The following GPC5 variants were observed in gnomAD, a reference collection of about 807,000 sequenced individuals.
GPC5 encodes the protein glypican 5, also known as glypican-5.
GPC5 carries 47 observed loss-of-function variants against 53.9 expected under a neutral mutation model. The ratio of observed to expected loss-of-function variants is 0.87; its 90% CI spans 0.69 to 1.11. The LOEUF is 1.11. GPC5 is among the 50% of genes most tolerant of loss of function. The probability of loss-of-function intolerance (pLI) is 0.00; values close to 1 mark genes in which losing one functional copy is unlikely to be tolerated. For missense variants in GPC5, 748 were observed against 713.1 expected (o/e 1.05, Z -0.56); for synonymous variants, 286 against 263.3 (o/e 1.09, Z -0.84).
intron 7 of GPC5, among the ~76,000 whole-genome samples, chr13:92,251,382 T>C (rs1483544622): frequency 3.3e-5 from 5 of 152,118 alleles, no homozygotes; most frequent in Admixed American, 2.0e-4. Flanking sequence ...CTAACTGCTA[T>C]AAATGAAAGC....
intron 7 of GPC5, among the ~76,000 whole-genome samples, chr13:92,222,423 G>A (rs1002401569): frequency 3.3e-5 from 5 of 152,118 alleles, no homozygotes; most frequent in Non-Finnish European, 7.4e-5. Context: ...TTTAATTACA[G>A]TAAATTAAGA....
intron 7 of GPC5, among the ~76,000 whole-genome samples, chr13:92,806,193 G>A (rs975989923): frequency 3.9e-5 from 6 of 151,980 alleles, no homozygotes; most frequent in African/African-American, 9.7e-5. Flanking sequence ...TTTATGTTAC[G>A]GAGATGGCTT....
At chr13:92,628,024 T>C (rs1885101249) in intron 7 of GPC5, among the ~76,000 whole-genome samples, 1 of 152,038 alleles carries the variant, frequency 6.6e-6, no homozygotes, top group South Asian at 2.1e-4. Context: ...CTCATTTGAG[T>C]GTATTTTAAA....
intron 3 of GPC5, among the ~76,000 whole-genome samples, chr13:91,707,495 C>A (rs907864368): frequency 4.6e-5 from 7 of 152,100 alleles, no homozygotes; most frequent in Non-Finnish European, 4.4e-5. Flanking sequence ...TGTTGGCACA[C>A]CTGTGGTCCC....
intron 2 of GPC5, among the ~76,000 whole-genome samples, chr13:91,662,906 A>T (rs1019570487): frequency 4.6e-5 from 7 of 152,204 alleles, no homozygotes; most frequent in African/African-American, 1.7e-4. Context: ...TACAGCTGCT[A>T]TGCATGCTGG....
At chr13:92,487,053 A>G (rs1156232796) in intron 7 of GPC5, among the ~76,000 whole-genome samples, 1 of 151,986 alleles carries the variant, frequency 6.6e-6, no homozygotes, top group Admixed American at 6.6e-5. Flanking sequence ...ATGGGGTTTC[A>G]CCATGCTGGC....
chr13:91,652,846 GTTTAC>G (rs918206287), intron 2 of GPC5, among the ~76,000 whole-genome samples: 11 of 152,074 alleles, frequency 7.2e-5, no homozygotes, highest in Non-Finnish European at 1.3e-4. Flanking sequence ...ACAGTTGATC[GTTTAC>G]TTTAGGAATA....
intron 6 of GPC5, among the ~76,000 whole-genome samples, chr13:91,911,960 A>G (rs1308399759): frequency 1.3e-5 from 2 of 152,160 alleles, no homozygotes; most frequent in Non-Finnish European, 2.9e-5. Context: ...TAGATACCCA[A>G]GAGGAATGTG....
chr13:91,462,180 C>T (rs892776680), intron 2 of GPC5, among the ~76,000 whole-genome samples: 15 of 152,166 alleles, frequency 9.9e-5, no homozygotes, highest in South Asian at 4.2e-4. Flanking sequence ...TAACAAACGC[C>T]GTGGTCTTAT....
intron 6 of GPC5, among the ~76,000 whole-genome samples, chr13:92,134,256 A>G (rs1215664870): frequency 6.6e-6 from 1 of 152,146 alleles, no homozygotes; most frequent in Non-Finnish European, 1.5e-5. Context: ...TTGGAAGATG[A>G]CATGGCATAA....
At chr13:91,656,263 G>A (rs1270257209) in intron 2 of GPC5, among the ~76,000 whole-genome samples, 2 of 152,166 alleles carry the variant, frequency 1.3e-5, no homozygotes, top group African/African-American at 4.8e-5. Context: ...TAGATGTAAA[G>A]TGTAAGTTTT....
intron 7 of GPC5, among the ~76,000 whole-genome samples, chr13:92,217,911 C>CTTTTT (rs61595116): frequency 1.1e-4 from 9 of 85,194 alleles, no homozygotes; most frequent in African/African-American, 2.5e-4. Flanking sequence ...ATTATTTCTA[C>CTTTTT]TTTTTTTTTT....
chr13:92,601,391 A>C (rs1359812548), intron 7 of GPC5, among the ~76,000 whole-genome samples: 1 of 151,824 alleles, frequency 6.6e-6, no homozygotes, highest in Non-Finnish European at 1.5e-5. Context: ...CCCCATCTCT[A>C]CTAAAAATAC....
At chr13:92,379,726 T>C (rs543734144) in intron 7 of GPC5, among the ~76,000 whole-genome samples, 1 of 152,186 alleles carries the variant, frequency 6.6e-6, no homozygotes, top group Non-Finnish European at 1.5e-5. Flanking sequence ...CTCTGTGTAT[T>C]AGTTCCTCTC....
intron 7 of GPC5, among the ~76,000 whole-genome samples, chr13:92,344,759 C>T (rs2043396531): frequency 6.6e-6 from 1 of 152,122 alleles, no homozygotes; most frequent in African/African-American, 2.4e-5. Flanking sequence ...CAACAGCTTG[C>T]AACAATGTGG....
intron 7 of GPC5, among the ~76,000 whole-genome samples, chr13:92,693,677 A>T (rs984508005): frequency 6.6e-6 from 1 of 152,194 alleles, no homozygotes; most frequent in Non-Finnish European, 1.5e-5. Flanking sequence ...CAAAGAGAGT[A>T]TCTGAAACTG....
chr13:92,160,300 C>A (rs2041977714), intron 7 of GPC5, among the ~76,000 whole-genome samples: 2 of 152,170 alleles, frequency 1.3e-5, no homozygotes, highest in Non-Finnish European at 2.9e-5. Flanking sequence ...GTTTTCTTGA[C>A]TGGACCTATC....
At chr13:92,057,005 A>G (rs2041080257) in intron 6 of GPC5, among the ~76,000 whole-genome samples, 1 of 152,172 alleles carries the variant, frequency 6.6e-6, no homozygotes, top group Admixed American at 6.6e-5. Context: ...AAAATTGACC[A>G]TGAATTCTTT....
chr13:91,538,836 C>CACCCG (rs1886715805), intron 2 of GPC5, among the ~76,000 whole-genome samples: 1 of 149,896 alleles, frequency 6.7e-6, no homozygotes, highest in African/African-American at 2.4e-5. Flanking sequence ...CCCCGCCCCC[C>CACCCG]CCTCAGCCTC....
Sources: allele counts gnomAD v4.1 joint callset (sites outside exome capture counted in the v4.1 genomes callset), GRCh38; gene constraint gnomAD v4.1.1; transcripts MANE v1.5; gene names NCBI Gene and HGNC (gene_info 2026-07-23, HGNC 2026-07-21).